MLLT10: variants seen among roughly 807,000 people sequenced by gnomAD.
MLLT10 encodes protein AF-10.
A neutral mutation model predicts 129.1 loss-of-function variants in MLLT10; 30 were observed. The observed-to-expected ratio is 0.23, with a 90% CI of 0.17 to 0.32. MLLT10 has a LOEUF of 0.32. Ranked by LOEUF, MLLT10 falls within the 10% of genes least tolerant of loss-of-function variation. The pLI is 1.00. For synonymous variants in MLLT10, 490 were observed against 446.4 expected (o/e 1.10, Z -1.23); for missense variants, 1,119 against 1,268.3 (o/e 0.88, Z 1.79).
chr10:21,540,043 C>G (rs2034855779), intron 3 of MLLT10, among the ~76,000 whole-genome samples: 1 of 151,950 alleles, frequency 6.6e-6, no homozygotes, highest in Non-Finnish European at 1.5e-5. Flanking sequence ...TTGCTTGAGT[C>G]CAGGAGTTTG....
intron 11 of MLLT10, among the ~76,000 whole-genome samples, chr10:21,676,245 G>T (rs989571476): frequency 6.6e-6 from 1 of 151,704 alleles, no homozygotes; most frequent in Non-Finnish European, 1.5e-5. Flanking sequence ...GTGAAACCCT[G>T]TCTCTACTAA....
chr10:21,651,434 C>G (rs1014083035), intron 8 of MLLT10, among the ~76,000 whole-genome samples: 2 of 152,090 alleles, frequency 1.3e-5, no homozygotes, highest in African/African-American at 4.8e-5. Context: ...CAAATAATTA[C>G]AGACTTCAGT....
chr10:21,588,550 C>T (rs1225336410), intron 4 of MLLT10, among the ~76,000 whole-genome samples: 1 of 152,004 alleles, frequency 6.6e-6, no homozygotes, highest in African/African-American at 2.4e-5. Context: ...TAGGTGGAAA[C>T]ATTGAGTCAA....
intron 8 of MLLT10, among the ~76,000 whole-genome samples, chr10:21,621,509 T>C (rs1272661974): frequency 6.6e-6 from 1 of 152,206 alleles, no homozygotes; most frequent in Non-Finnish European, 1.5e-5. Flanking sequence ...CCTCCCAAAG[T>C]GCTGGGATTA....
rs1197112856 is a variant in MLLT10 at position 21,733,956 on chromosome 10, G to A, written c.2685G>A (p.Val895=). Reference sequence around the variant, plus strand: ...CCACCATTCCTGCCGTGTCTGCAGTGGGTGGAATAATTGGAGCTTTGCCAG... The same window carrying A: ...CCACCATTCCTGCCGTGTCTGCAGTAGGTGGAATAATTGGAGCTTTGCCAG... The part of the protein sequence containing the change: ...VTSTIPAVSA[V]GGIIGALPGN... The change falls in exon 20 of 23, where the codon GTG becomes GTA. Residue 895 remains valine, a synonymous_variant. Transcript: ENST00000307729. 1 of 1,614,070 alleles carries A rather than the reference G, an allele frequency of 6.2e-7. No homozygotes were observed. Among genetic ancestry groups the A allele is most frequent in the East Asian group, 2.2e-5 (1 of 44,896 alleles).
At chr10:21,717,515 CACCACCTCCTCCTCCTCCTCCTCCTCCCT>C (rs2056692480) in intron 14 of MLLT10, among the ~76,000 whole-genome samples, 1 of 69,136 alleles carries the variant, frequency 1.4e-5, no homozygotes, top group African/African-American at 5.5e-5. Flanking sequence ...CCTCCTCCTC[CACCACCTCCTCCTCCTCCTCCTCCTCCCT>C]TCTTCTTTCT....
At chr10:21,649,939 A>C (rs190239167) in intron 8 of MLLT10, among the ~76,000 whole-genome samples, 1 of 152,226 alleles carries the variant, frequency 6.6e-6, no homozygotes, top group Admixed American at 6.5e-5. Flanking sequence ...GGGAGTCATT[A>C]TCTGCCACAA....
chr10:21,610,308 G>C (rs1167003231), intron 5 of MLLT10, among the ~76,000 whole-genome samples: 1 of 152,152 alleles, frequency 6.6e-6, no homozygotes, highest in East Asian at 1.9e-4. Context: ...TGGCAGCCTG[G>C]CCGTCATAGG....
intron 3 of MLLT10, among the ~76,000 whole-genome samples, chr10:21,575,476 C>T (rs1289910141): frequency 2.6e-5 from 4 of 152,136 alleles, no homozygotes; most frequent in East Asian, 1.9e-4. Context: ...GGATTACAGG[C>T]GTGAGCCACC....
At chr10:21,589,414 T>C (rs1210489391) in intron 4 of MLLT10, among the ~76,000 whole-genome samples, 1 of 151,874 alleles carries the variant, frequency 6.6e-6, no homozygotes, top group African/African-American at 2.4e-5. Flanking sequence ...TGTAGCTTTG[T>C]AGTCCTGGGC....
chr10:21,672,026 A>G (rs747287209), intron 10 of MLLT10, among the ~76,000 whole-genome samples: 1 of 152,188 alleles, frequency 6.6e-6, no homozygotes, highest in Non-Finnish European at 1.5e-5. Context: ...CAAGGTTTAC[A>G]TTTTTTAGTA....
intron 14 of MLLT10, among the ~76,000 whole-genome samples, chr10:21,724,597 AAG>A (rs1486931478): frequency 1.3e-5 from 2 of 152,254 alleles, no homozygotes; most frequent in African/African-American, 2.4e-5. Flanking sequence ...ATTCATGAAA[AAG>A]AAGAACAATT....
intron 8 of MLLT10, among the ~76,000 whole-genome samples, chr10:21,640,289 T>C (rs1358792535): frequency 2.8e-5 from 4 of 144,260 alleles, no homozygotes; most frequent in African/African-American, 7.6e-5. Context: ...ATATATAATA[T>C]ATATTATATA....
chr10:21,706,488 A>G (rs925764598), intron 13 of MLLT10, among the ~76,000 whole-genome samples: 1 of 152,228 alleles, frequency 6.6e-6, no homozygotes, highest in African/African-American at 2.4e-5. Flanking sequence ...AACTATTTTC[A>G]CACCATATTA....
chr10:21,618,511 A>G (rs1187557638), intron 8 of MLLT10, among the ~76,000 whole-genome samples: 2 of 151,300 alleles, frequency 1.3e-5, no homozygotes, highest in Non-Finnish European at 3.0e-5. Context: ...GTCTCAAAAG[A>G]AAAAAAAAAT....
In MLLT10 at chr10:21,682,250, A is replaced by T; in HGVS notation, c.1692A>T (p.Ile564=). ...CGTTCTCAGAGTTGCTGAATGCAAT[A>T]CACAACGGTAAGTTTTATTAGAATC... ...TTTFSELLNA[I]HNGIYNSNDV... Residue 564 remains isoleucine (I), a synonymous_variant, in exon 13 of 23, where the codon ATA becomes ATT. Transcript: ENST00000307729. The T allele has an allele frequency of 6.2e-7, 1 of 1,611,170 alleles. No homozygotes were observed. The highest frequency in any genetic ancestry group is 8.5e-7 in the Non-Finnish European group (1 of 1,178,980).
intron 9 of MLLT10, among the ~76,000 whole-genome samples, chr10:21,653,903 G>A (rs887247099): frequency 5.9e-5 from 9 of 152,224 alleles, no homozygotes; most frequent in Non-Finnish European, 1.2e-4. Context: ...GGAGAAGTGA[G>A]TGCAGGTAGA....
At chr10:21,715,494 T>C (rs1339898011) in intron 14 of MLLT10, among the ~76,000 whole-genome samples, 2 of 152,034 alleles carry the variant, frequency 1.3e-5, no homozygotes, top group Non-Finnish European at 2.9e-5. Context: ...CTATAAATGG[T>C]TTTATCTCTT....
At chr10:21,675,508 T>A (rs990233717) in intron 11 of MLLT10, among the ~76,000 whole-genome samples, 1 of 152,178 alleles carries the variant, frequency 6.6e-6, no homozygotes, top group Non-Finnish European at 1.5e-5. Context: ...TACATGTAAA[T>A]TGTAGTGAGA....
Sources: gnomAD v4.1 joint callset for allele counts (sites outside exome capture counted in the v4.1 genomes callset) on GRCh38, gnomAD v4.1.1 for gene constraint, MANE v1.5 for transcripts, NCBI Gene and HGNC (gene_info 2026-07-23, HGNC 2026-07-21) for gene names.